Variants in SLC5A1 observed in about 807,000 individuals in gnomAD.
The protein encoded by SLC5A1 is solute carrier family 5 member 1.
A neutral mutation model predicts 73.5 loss-of-function variants in SLC5A1; 42 were observed. The ratio of observed to expected loss-of-function variants is 0.57; its 90% confidence interval spans 0.45 to 0.74. The LOEUF (loss-of-function observed/expected upper bound fraction) is 0.74, where lower values mean the gene tolerates loss of function less well. Among genes scored for constraint, SLC5A1 ranks in the 30% least tolerant of loss-of-function variants. The pLI, the probability that SLC5A1 is intolerant of heterozygous loss-of-function variation, is 0.00. For missense variants in SLC5A1, 634 were observed against 855.4 expected (o/e 0.74, Z 3.23); for synonymous variants, 300 against 317.4 (o/e 0.95, Z 0.58).
chr22:32,093,409 C>G (rs2094021255), intron 11 of SLC5A1, among the ~76,000 whole-genome samples: 1 of 152,154 alleles, frequency 6.6e-6, no homozygotes. Context: ...TGGTCATTTT[C>G]ACAATATTGA....
chr22:32,093,679 G>A (rs2094021885), intron 11 of SLC5A1, among the ~76,000 whole-genome samples: 1 of 151,592 alleles, frequency 6.6e-6, no homozygotes, highest in Non-Finnish European at 1.5e-5. Flanking sequence ...ACTGATTTGT[G>A]TACATTAATT....
chr22:32,086,441 T>C, intron 10 of SLC5A1, 114 bp downstream of exon 10: 1 of 774,244 alleles, frequency 1.3e-6, no homozygotes, highest in Non-Finnish European at 2.3e-6. Flanking sequence ...AGCCGGGGGG[T>C]TAGAAGGGAA....
intron 11 of SLC5A1, among the ~76,000 whole-genome samples, chr22:32,096,920 A>G (rs543917254): frequency 2.6e-5 from 4 of 152,212 alleles, no homozygotes; most frequent in Non-Finnish European, 5.9e-5. Context: ...AATTGACAAG[A>G]TACCTGGCAC....
intron 5 of SLC5A1, among the ~76,000 whole-genome samples, chr22:32,076,557 C>A (rs1216490827): frequency 6.6e-6 from 1 of 152,152 alleles, no homozygotes; most frequent in East Asian, 1.9e-4. Context: ...CATTTTGGAT[C>A]CTTGGGTGAA....
chr22:32,076,641 G>T (rs1364614796), intron 5 of SLC5A1, among the ~76,000 whole-genome samples: 1 of 152,238 alleles, frequency 6.6e-6, no homozygotes, highest in Non-Finnish European at 1.5e-5. Flanking sequence ...AGTGGAAAGA[G>T]AAATTTGAGT....
intron 11 of SLC5A1, among the ~76,000 whole-genome samples, chr22:32,092,583 C>A (rs1378906262): frequency 6.6e-6 from 1 of 152,166 alleles, no homozygotes; most frequent in Non-Finnish European, 1.5e-5. Context: ...TAAAAGTGTT[C>A]TTTTCACCAC....
chr22:32,053,091 C>A (rs75091642), intron 2 of SLC5A1, among the ~76,000 whole-genome samples: 6,819 of 152,210 alleles, frequency 0.045, 207 homozygotes, highest in Non-Finnish European at 0.07. Flanking sequence ...CCACACTGGA[C>A]TCCTTGGTAA....
intron 5 of SLC5A1, among the ~76,000 whole-genome samples, chr22:32,069,142 T>A (rs1205868082): frequency 2.0e-5 from 3 of 152,126 alleles, no homozygotes; most frequent in African/African-American, 7.2e-5. Context: ...ATAACATGGA[T>A]GAACCTGAAG....
rs33978633 is a variant in SLC5A1, at chr22:32,099,344, A to G, written c.1442A>G (p.Asn481Ser). ...FLLAIFWKRV[N>S]EPGAFWGLIL... ...CTTGCTATTTTCTGGAAGAGAGTCA[A>G]TGAGCCAGTAGGTATCATCTGGGCA... is the stretch of plus-strand genomic sequence containing the variant. The change falls in exon 12 of 15, where the codon AAT becomes AGT. Residue 481 changes from asparagine (N) to serine (S), a missense_variant. Around this residue, in one of 3 missense-constraint regions of SLC5A1, gnomAD observed 422 missense variants for 626.1 expected, o/e 0.67. Coordinates refer to ENST00000266088, the MANE Select transcript of SLC5A1 (RefSeq NM_000343.4). The G allele has an allele frequency of 5.0e-6, 8 of 1,611,976 alleles. No homozygotes were observed. Among genetic ancestry groups the G allele is most frequent in the African/African-American group, 4.0e-5 (3 of 74,794 alleles).
chr22:32,102,431 T>C (rs2094038297), intron 13 of SLC5A1, among the ~76,000 whole-genome samples, 194 bp downstream of exon 13: 1 of 152,042 alleles, frequency 6.6e-6, no homozygotes, highest in Non-Finnish European at 1.5e-5. Context: ...GCCTCAAGCA[T>C]TTATCATTTC....
At chr22:32,065,720 T>C (rs2093971770) in intron 2 of SLC5A1, among the ~76,000 whole-genome samples, 1 of 152,238 alleles carries the variant, frequency 6.6e-6, no homozygotes, top group South Asian at 2.1e-4. Context: ...TGTCTCCTCA[T>C]TGTCATTCTG....
intron 11 of SLC5A1, among the ~76,000 whole-genome samples, chr22:32,093,877 T>C (rs887731637): frequency 2.0e-5 from 3 of 152,214 alleles, no homozygotes; most frequent in East Asian, 1.9e-4. Flanking sequence ...TCCAGTACTA[T>C]GTTGAATACA....
At position 32,102,153 on chromosome 22, in the gene SLC5A1, G is replaced by T. The variant is rs33939337; in HGVS notation, c.1581G>T (p.Leu527Phe). Residue 527 changes from leucine (L) to phenylalanine (F), a missense_variant, in exon 13 of 15, where the codon TTG (leucine) becomes TTT (phenylalanine). Leu to Phe is a conservative substitution (Grantham distance 22, BLOSUM62 0). Transcript: ENST00000266088. ...CGATTATCTGTGGGGTGCACTACTT[G>T]TACTTTGCCATTATCCTCTTCGCCA... ...CPTIICGVHY[L>F]YFAIILFAIS... 1.9e-6 allele frequency: 3 copies of T among 1,613,906 alleles called. No homozygotes were observed. In the African/African-American group the frequency reaches 4.0e-5, roughly 22 times the overall value.
chr22:32,069,027 G>A (rs909471209), intron 5 of SLC5A1, among the ~76,000 whole-genome samples: 2 of 152,124 alleles, frequency 1.3e-5, no homozygotes, highest in African/African-American at 4.8e-5. Context: ...CCCATTAACG[G>A]ATGAATGGAT....
chr22:32,044,143 T>G (rs1188374258), intron 1 of SLC5A1, among the ~76,000 whole-genome samples: 2 of 152,146 alleles, frequency 1.3e-5, no homozygotes, highest in Non-Finnish European at 2.9e-5. Context: ...TATGACAGAC[T>G]GTGGCAGGCC....
chr22:32,079,398 T>C (rs1451822563), intron 5 of SLC5A1, among the ~76,000 whole-genome samples: 1 of 152,210 alleles, frequency 6.6e-6, no homozygotes, highest in East Asian at 1.9e-4. Flanking sequence ...ATCTGTACTG[T>C]TAGAAGGAAA....
intron 2 of SLC5A1, among the ~76,000 whole-genome samples, chr22:32,054,631 A>T (rs1337362045): frequency 6.6e-6 from 1 of 152,078 alleles, no homozygotes; most frequent in Non-Finnish European, 1.5e-5. Context: ...ATATTTGAAA[A>T]ACTGAAAGGG....
intron 2 of SLC5A1, among the ~76,000 whole-genome samples, chr22:32,060,943 A>G (rs950844758): frequency 3.3e-5 from 5 of 152,248 alleles, no homozygotes; most frequent in South Asian, 2.1e-4. Context: ...AAACAAATTT[A>G]AGGAGGAAAC....
intron 13 of SLC5A1, among the ~76,000 whole-genome samples, chr22:32,103,848 GC>G (rs1569317801): frequency 6.6e-6 from 1 of 152,040 alleles, no homozygotes; most frequent in Non-Finnish European, 1.5e-5. Context: ...AACTCTAGAT[GC>G]CCCCATTGGT....
Sources: gnomAD v4.1 joint callset for allele counts (sites outside exome capture counted in the v4.1 genomes callset) on GRCh38, gnomAD v4.1.1 for gene constraint, gnomAD v4.1.1 regional missense constraint, MANE v1.5 for transcripts, NCBI Gene and HGNC (gene_info 2026-07-23, HGNC 2026-07-21) for gene names.